The following HFM1 variants were observed in gnomAD, a reference collection of about 807,000 sequenced individuals.
The protein encoded by HFM1 is probable ATP-dependent DNA helicase HFM1.
In HFM1, 169 loss-of-function variants were observed where a neutral mutation model predicts 192.1. The ratio of observed to expected loss-of-function variants is 0.88; its 90% CI spans 0.78 to 1.00. The LOEUF is 1.00. HFM1 is among the 50% of genes least tolerant of loss of function. HFM1 has a pLI of 0.00. For synonymous variants in HFM1, 525 were observed against 537.8 expected, an observed-to-expected ratio of 0.98 and a Z score of 0.33; for missense variants, 1,661 against 1,668.0, an observed-to-expected ratio of 1.00 and a Z score of 0.07.
chr1:91,383,599 A>G (rs1343453916), intron 6 of HFM1, among the ~76,000 whole-genome samples: 1 of 152,196 alleles, frequency 6.6e-6, no homozygotes, highest in East Asian at 1.9e-4. Context: ...TCGAGTGCCC[A>G]GGATTAGAGT....
chr1:91,381,068 T>C lies in HFM1; in HGVS notation c.803-86A>G, dbSNP rs1169414734. 7.4e-6 allele frequency: 5 copies of C among 673,490 alleles called. No individual in the cohort carries two copies. In the Admixed American group the frequency reaches 9.7e-5, roughly 13 times the overall value. 41.7% of individuals were successfully genotyped at this position (673,490 alleles called of 1,614,324 possible). ...TAAAACTAAGTTACATTAATATAGA[T>C]TCTGACAATATTTAATGATGAGGTT... On this transcript the variant is annotated intron_variant, in intron 6 of 38. Transcript: ENST00000370425.
At chr1:91,298,385 C>G (rs1648055388) in intron 30 of HFM1, among the ~76,000 whole-genome samples, 1 of 152,156 alleles carries the variant, frequency 6.6e-6, no homozygotes, top group Non-Finnish European at 1.5e-5. Context: ...TCCAGGAGAA[C>G]TTCCCCAATC....
At chr1:91,370,730 G>C (rs1194147289) in intron 13 of HFM1, among the ~76,000 whole-genome samples, 1 of 152,144 alleles carries the variant, frequency 6.6e-6, no homozygotes, top group African/African-American at 2.4e-5. Context: ...AGTGTTGGAA[G>C]TTCTGGCCAG....
Position 91,262,244 on chromosome 1 carries a change from A to T in HFM1, c.4235T>A (p.Phe1412Tyr). The T allele has an allele frequency of 7.5e-7, 1 of 1,333,780 alleles. No homozygotes were observed. Among genetic ancestry groups the T allele is most frequent in the Non-Finnish European group, 1.0e-6 (1 of 960,490 alleles). The allele number at this position is 1,333,780 out of a possible 1,614,324, so 82.6% of individuals were successfully genotyped here. ...RNSECKKEVD[F>Y]SMYHPDDEAD... ...AGTGTCTTTAAAGAGTTCTTACCTG[A>T]AATCAACTTCCTTTTTACATTCACT... Residue 1412 changes from phenylalanine (F) to tyrosine (Y), a missense_variant, in exon 38 of 39, where the codon TTC becomes TAC. Phe to Tyr is a conservative substitution (Grantham distance 22). Transcript: ENST00000370425.
chr1:91,322,354 C>T (rs1412319454), intron 23 of HFM1, among the ~76,000 whole-genome samples: 1 of 152,136 alleles, frequency 6.6e-6, no homozygotes, highest in African/African-American at 2.4e-5. Flanking sequence ...GATCATTTCA[C>T]CTTAAATTAC....
In HFM1 at chr1:91,276,665, T is replaced by C. The variant is rs1056200813; in HGVS notation, c.3551A>G (p.Asn1184Ser). 2 of 1,569,870 alleles carry C rather than the reference T, an allele frequency of 1.3e-6. No individual in the cohort carries two copies. Among genetic ancestry groups the C allele is most frequent in the Non-Finnish European group, 1.7e-6 (2 of 1,161,592 alleles). ...SSYLSDLRNRNAVSSVPPVKR... is the reference protein window; with the variant it reads ...SSYLSDLRNRSAVSSVPPVKR... ...AACTGGAGGAACAGATGAAACAGCA[T>C]TCCTGTTTCTTAAATCAGATAAATA... Residue 1184 changes from asparagine to serine, a missense_variant, in exon 32 of 39, where the codon AAT (asparagine) becomes AGT (serine). Coordinates refer to ENST00000370425, the MANE Select transcript of HFM1 (RefSeq NM_001017975.6).
chr1:91,376,080 C>T (rs11165364), intron 11 of HFM1, among the ~76,000 whole-genome samples: 29,866 of 151,804 alleles, frequency 0.2, 3,359 homozygotes, highest in Non-Finnish European at 0.26. Context: ...TTGAAAACTA[C>T]GCCTCAAAAT....
intron 30 of HFM1, among the ~76,000 whole-genome samples, chr1:91,303,041 A>G (rs1387529718): frequency 1.3e-5 from 2 of 152,204 alleles, no homozygotes; most frequent in African/African-American, 2.4e-5. Context: ...CATACCATTC[A>G]CATTTTTAAA....
At chr1:91,338,954 C>T (rs1046030087) in intron 20 of HFM1, 4 of 455,874 alleles carry the variant, frequency 8.8e-6, no homozygotes, top group Non-Finnish European at 1.8e-5. Context: ...AGGTACTTAA[C>T]CTCGAGGGGC....
At position 91,332,912 on chromosome 1, in the gene HFM1, C is replaced by T. The variant is rs1015864431; in HGVS notation, c.2336-8146G>A. On this transcript the variant is annotated intron_variant, in intron 20 of 38. Coordinates refer to ENST00000370425, the MANE Select transcript of HFM1 (RefSeq NM_001017975.6). Reference sequence around the variant, plus strand: ...AAAGTACAATGAGATATCATCTCACCGCAGTTACAATGGCTTTTATCCAAA... The same window carrying T: ...AAAGTACAATGAGATATCATCTCACTGCAGTTACAATGGCTTTTATCCAAA... 4.6e-5 allele frequency among the ~76,000 whole-genome samples: 7 copies of T among 152,050 alleles called. No individual in the cohort carries two copies. The South Asian group carries it at 8.3e-4, about 18-fold the overall frequency.
At chr1:91,343,710 CA>C (rs1453138618) in intron 19 of HFM1, among the ~76,000 whole-genome samples, 200 bp from the exon 20 acceptor site, 1 of 151,942 alleles carries the variant, frequency 6.6e-6, no homozygotes, top group Non-Finnish European at 1.5e-5. Context: ...CTAAAAGTAA[CA>C]AGAATACAAG....
At chr1:91,280,764 AC>A (rs1667387289) in intron 30 of HFM1, among the ~76,000 whole-genome samples, 1 of 152,088 alleles carries the variant, frequency 6.6e-6, no homozygotes, top group South Asian at 2.1e-4. Context: ...CTGTCATCTG[AC>A]CCCCCTAGTT....
At chr1:91,306,015 T>C (rs1221104474) in intron 30 of HFM1, among the ~76,000 whole-genome samples, 1 of 152,226 alleles carries the variant, frequency 6.6e-6, no homozygotes, top group Non-Finnish European at 1.5e-5. Context: ...ACATTTGCTA[T>C]AGTTTTTGTA....
At chr1:91,406,894 T>C (rs2102252591), upstream of HFM1, among the ~76,000 whole-genome samples, 1 of 152,270 alleles carries the variant, frequency 6.6e-6, no homozygotes, top group East Asian at 1.9e-4. Flanking sequence ...CAAGGCTCTG[T>C]GGTATTTTAT....
Position 91,314,073 on chromosome 1 carries a change from ATAGTT to A in HFM1, c.3141-18_3141-14del. 2 of 1,432,508 alleles carry A rather than the reference ATAGTT, an allele frequency of 1.4e-6. No individual in the cohort carries two copies. Among genetic ancestry groups the A allele is most frequent in the Admixed American group, 3.5e-5 (2 of 57,518 alleles). 88.7% of individuals were successfully genotyped at this position (1,432,508 alleles called of 1,614,324 possible). On this transcript the variant is annotated splice_polypyrimidine_tract_variant and intron_variant, in intron 28 of 38. Coordinates refer to ENST00000370425, the MANE Select transcript of HFM1 (RefSeq NM_001017975.6). ...CAAAACAGAATCCCTGAAAAATAGT[ATAGTT>A]TAAATAGTGATCCAAACACTGAATG...
At position 91,260,821 on chromosome 1, in the gene HFM1, T is replaced by C. The variant is rs1251224850; in HGVS notation, c.*469A>G. 3 of 152,212 alleles carry C rather than the reference T, an allele frequency of 2.0e-5. No homozygotes were observed. Among genetic ancestry groups the C allele is most frequent in the Non-Finnish European group, 4.4e-5 (3 of 68,024 alleles). 9.4% of individuals were successfully genotyped at this position (152,212 alleles called of 1,614,324 possible). ...AAAGTTAGATAACAGTAGGTTCAAATAGCCACTGGATTCTTAAAAATCTTT... is the reference window on the plus strand; with the variant it reads ...AAAGTTAGATAACAGTAGGTTCAAACAGCCACTGGATTCTTAAAAATCTTT... On this transcript the variant is annotated 3_prime_UTR_variant, in exon 39 of 39. Transcript: ENST00000370425.
chr1:91,384,844 A>T (rs1040387321), intron 6 of HFM1, among the ~76,000 whole-genome samples: 2 of 151,794 alleles, frequency 1.3e-5, no homozygotes, highest in Non-Finnish European at 2.9e-5. Context: ...CCCAGGTTCA[A>T]GCGATTCTCC....
chr1:91,352,926 C>T, intron 15 of HFM1, 125 bp downstream of exon 15: 1 of 668,542 alleles, frequency 1.5e-6, no homozygotes. Flanking sequence ...TAGGTAACCA[C>T]TTAATTTTAT....
rs1353403307 is a variant in HFM1, at chr1:91,356,747, A to T, written c.1686-3448T>A. Reference sequence around the variant, plus strand: ...AAAAAAAAGAAGAAACAAATAAAATAAAAAATGAAACTGGAGAAATCACCA... The same window carrying T: ...AAAAAAAAGAAGAAACAAATAAAATTAAAAATGAAACTGGAGAAATCACCA... On this transcript the variant is annotated intron_variant, in intron 13 of 38. Coordinates refer to ENST00000370425, the MANE Select transcript of HFM1 (RefSeq NM_001017975.6). 2.6e-5 allele frequency among the ~76,000 whole-genome samples: 4 copies of T among 151,942 alleles called. No individual in the cohort carries two copies. The East Asian group carries it at 5.8e-4, about 22-fold the overall frequency.
Sources: allele counts gnomAD v4.1 joint callset (sites outside exome capture counted in the v4.1 genomes callset), GRCh38; gene constraint gnomAD v4.1.1; transcripts MANE v1.5; gene names NCBI Gene and HGNC (gene_info 2026-07-23, HGNC 2026-07-21).